GMDS: variants seen among roughly 807,000 people sequenced by gnomAD.
The protein encoded by GMDS is GDP-mannose 4,6-dehydratase.
A neutral mutation model predicts 49.9 loss-of-function variants in GMDS; 20 were observed. The ratio of observed to expected loss-of-function variants is 0.40; its 90% confidence interval spans 0.28 to 0.58. The LOEUF (loss-of-function observed/expected upper bound fraction) is 0.58. Among genes scored for constraint, GMDS ranks in the 20% least tolerant of loss-of-function variants. The pLI, the probability that GMDS is intolerant of heterozygous loss-of-function variation, is 0.42. For synonymous variants in GMDS, 177 were observed against 178.6 expected, an observed-to-expected ratio of 0.99 and a Z score of 0.07; for missense variants, 362 against 481.4, an observed-to-expected ratio of 0.75 and a Z score of 2.32.
intron 9 of GMDS, among the ~76,000 whole-genome samples, chr6:1,639,829 G>C (rs1324019691): frequency 6.6e-6 from 1 of 152,196 alleles, no homozygotes; most frequent in African/African-American, 2.4e-5. Flanking sequence ...AGTGAGCCAA[G>C]ATCATACCAC....
chr6:2,139,552 C>T (rs781615234), intron 1 of GMDS, among the ~76,000 whole-genome samples: 2 of 152,156 alleles, frequency 1.3e-5, no homozygotes, highest in Non-Finnish European at 2.9e-5. Flanking sequence ...GTGTTCATGG[C>T]AGTCTGTATT....
At chr6:1,921,910 G>A (rs1395944343) in intron 7 of GMDS, among the ~76,000 whole-genome samples, 1 of 152,138 alleles carries the variant, frequency 6.6e-6, no homozygotes, top group African/African-American at 2.4e-5. Context: ...GAAAACAATA[G>A]CAATACCTCA....
chr6:1,626,762 G>A (rs953781482), intron 9 of GMDS, among the ~76,000 whole-genome samples: 4 of 152,200 alleles, frequency 2.6e-5, no homozygotes, highest in Non-Finnish European at 5.9e-5. Context: ...GTAGGCTTGG[G>A]AAATGGAGCT....
At chr6:2,239,198 G>C (rs1232454996) in intron 1 of GMDS, among the ~76,000 whole-genome samples, 1 of 151,938 alleles carries the variant, frequency 6.6e-6, no homozygotes. Context: ...GCGTGGTAGC[G>C]CACGCCTGTA....
intron 4 of GMDS, among the ~76,000 whole-genome samples, chr6:2,023,354 C>T (rs569725871): frequency 6.6e-6 from 1 of 152,188 alleles, no homozygotes; most frequent in Non-Finnish European, 1.5e-5. Flanking sequence ...GTCTCTTCCT[C>T]GTAACAACTA....
chr6:2,130,993 A>G (rs1005945462), intron 1 of GMDS, among the ~76,000 whole-genome samples: 6 of 152,048 alleles, frequency 3.9e-5, no homozygotes, highest in Admixed American at 6.6e-5. Flanking sequence ...TGTTTTACCA[A>G]TTGGTTTGTT....
At chr6:2,244,260 C>G (rs1444406883) in intron 1 of GMDS, among the ~76,000 whole-genome samples, 1 of 152,112 alleles carries the variant, frequency 6.6e-6, no homozygotes, top group Non-Finnish European at 1.5e-5. Flanking sequence ...GCAAATCAAA[C>G]TCCCATGCCT....
chr6:1,747,768 A>G (rs1767568644), intron 7 of GMDS, among the ~76,000 whole-genome samples: 1 of 152,210 alleles, frequency 6.6e-6, no homozygotes, highest in Non-Finnish European at 1.5e-5. Flanking sequence ...GGTAGGTCTT[A>G]GGTCTTTGGG....
At chr6:2,245,207 C>G (rs1338826324) in intron 1 of GMDS, 114 bp downstream of exon 1, 2 of 733,652 alleles carry the variant, frequency 2.7e-6, no homozygotes, top group Non-Finnish European at 2.3e-6. Context: ...AGACCCCTTC[C>G]GGGACGCCGA....
At chr6:1,705,000 G>C (rs1448554929) in intron 9 of GMDS, among the ~76,000 whole-genome samples, 2 of 152,158 alleles carry the variant, frequency 1.3e-5, no homozygotes, top group Non-Finnish European at 2.9e-5. Context: ...GAAAGCCAAG[G>C]TGGAAATTTC....
At chr6:2,045,140 T>C (rs968403969) in intron 4 of GMDS, among the ~76,000 whole-genome samples, 18 of 152,112 alleles carry the variant, frequency 1.2e-4, no homozygotes, top group Admixed American at 6.5e-5. Flanking sequence ...ATTTATATTT[T>C]CCTATAAAAT....
At chr6:1,999,959 TTATA>T (rs796484383) in intron 4 of GMDS, among the ~76,000 whole-genome samples, 1 of 12,522 alleles carries the variant, frequency 8.0e-5, no homozygotes, top group Non-Finnish European at 1.7e-4. Flanking sequence ...AATATGTATA[TTATA>T]TATATATTAT....
intron 1 of GMDS, among the ~76,000 whole-genome samples, chr6:2,193,308 G>A (rs1433540417): frequency 6.6e-6 from 1 of 152,230 alleles, no homozygotes; most frequent in Non-Finnish European, 1.5e-5. Context: ...TGTTAAACAG[G>A]AAGACTACCA....
intron 7 of GMDS, among the ~76,000 whole-genome samples, chr6:1,917,494 G>A (rs1295574187): frequency 6.6e-6 from 1 of 152,216 alleles, no homozygotes; most frequent in Non-Finnish European, 1.5e-5. Context: ...AAGCACTACA[G>A]GAATAGAATA....
intron 10 of GMDS, 99 bp from the exon 11 acceptor site, chr6:1,624,330 C>T: frequency 1.5e-6 from 2 of 1,308,636 alleles, no homozygotes; most frequent in Non-Finnish European, 2.2e-6. Flanking sequence ...CCGCGTCCCT[C>T]GTTCCAGCTC....
chr6:2,147,794 A>T lies in GMDS; in HGVS notation c.103-23063T>A, dbSNP rs768693230. Among the ~76,000 whole-genome samples, 9 of 150,552 alleles carry T rather than the reference A, an allele frequency of 6.0e-5. No homozygotes were observed. The South Asian group carries it at 8.6e-4, about 14-fold the overall frequency. ...CTTTAAGAGACTCAAAAAAATGTAA[A>T]GATGTATCCAAGCCTAGTACATGCT... On this transcript the variant is annotated intron_variant, in intron 1 of 10. Transcript: ENST00000380815.
At chr6:2,001,529 T>C (rs537266675) in intron 4 of GMDS, among the ~76,000 whole-genome samples, 1 of 152,296 alleles carries the variant, frequency 6.6e-6, no homozygotes, top group Non-Finnish European at 1.5e-5. Flanking sequence ...TTACATTAGG[T>C]TTTTGAAACT....
intron 4 of GMDS, among the ~76,000 whole-genome samples, chr6:2,020,637 T>A (rs895722635): frequency 6.6e-6 from 1 of 151,672 alleles, no homozygotes; most frequent in African/African-American, 2.4e-5. Context: ...AAAATCAAAA[T>A]CAGAGAGCCC....
intron 1 of GMDS, among the ~76,000 whole-genome samples, chr6:2,219,011 C>T (rs544189937): frequency 2.6e-5 from 4 of 152,006 alleles, no homozygotes; most frequent in Non-Finnish European, 5.9e-5. Flanking sequence ...GAGGGAGGAC[C>T]GCTTGAGCCC....
Sources: gnomAD v4.1 joint callset for allele counts (sites outside exome capture counted in the v4.1 genomes callset) on GRCh38, gnomAD v4.1.1 for gene constraint, MANE v1.5 for transcripts, NCBI Gene and HGNC (gene_info 2026-07-23, HGNC 2026-07-21) for gene names.